Variants in IMMP2L observed in about 807,000 individuals in gnomAD.
The protein encoded by IMMP2L is inner mitochondrial membrane peptidase subunit 2.
In IMMP2L, 18 loss-of-function variants were observed where a neutral mutation model predicts 19.3. That is an observed-to-expected ratio of 0.93 (90% confidence interval 0.64 to 1.38). IMMP2L has a LOEUF of 1.38. Among genes scored for constraint, IMMP2L ranks in the 40% most tolerant of loss-of-function variants. The pLI is 0.00. For missense variants in IMMP2L, 233 were observed against 218.2 expected (o/e 1.07, Z -0.43); for synonymous variants, 76 against 73.0 (o/e 1.04, Z -0.21).
chr7:111,117,869 C>G (rs1037453181), intron 3 of IMMP2L, among the ~76,000 whole-genome samples: 4 of 152,122 alleles, frequency 2.6e-5, no homozygotes, highest in African/African-American at 9.6e-5. Context: ...TTCTTTTCCT[C>G]ACACTCTGTA....
Position 110,867,345 on chromosome 7 carries a change from G to A in IMMP2L, c.408+19248C>T, listed in dbSNP as rs149469709. Among the ~76,000 whole-genome samples the A allele has an allele frequency of 3.1e-3, 477 of 151,810 alleles. 3 individuals are homozygous for A. The highest frequency in any genetic ancestry group is 9.1e-3 in the African/African-American group (379 of 41,450). ...TCCACCCTCATGACCTCATTACCCC[G>A]CAAAGTTCTCATTTCCAAATATCAT... On this transcript the variant is annotated intron_variant, in intron 5 of 5. Transcript: ENST00000405709.
intron 3 of IMMP2L, among the ~76,000 whole-genome samples, chr7:111,014,923 T>C (rs1825352431): frequency 6.6e-6 from 1 of 152,150 alleles, no homozygotes; most frequent in Admixed American, 6.6e-5. Context: ...GTCAAAGATG[T>C]GGAGAATTGG....
chr7:110,798,310 A>G (rs540580124), intron 5 of IMMP2L, among the ~76,000 whole-genome samples: 65 of 152,138 alleles, frequency 4.3e-4, no homozygotes, highest in African/African-American at 1.1e-3. Flanking sequence ...AGGCAATCAT[A>G]CAACACATTT....
At chr7:110,679,853 G>A (rs762646719) in intron 5 of IMMP2L, among the ~76,000 whole-genome samples, 1 of 152,218 alleles carries the variant, frequency 6.6e-6, no homozygotes, top group Non-Finnish European at 1.5e-5. Context: ...GATAGTTGCT[G>A]TGACTAGCAC....
chr7:111,121,650 A>C lies in IMMP2L; in HGVS notation c.240-158085T>G, dbSNP rs36200575. Among the ~76,000 whole-genome samples the C allele has an allele frequency of 1.7e-3, 262 of 152,346 alleles. 1 individual carries two copies. The highest frequency in any genetic ancestry group is 3.0e-3 in the Non-Finnish European group (202 of 68,036). On this transcript the variant is annotated intron_variant, in intron 3 of 5. Transcript: ENST00000405709. ...GTTGGTGGGGCTGTAAACTAGTTCA[A>C]CCATTGTAGAAGACAGTGTGGCGAT...
chr7:110,866,743 G>C (rs1462546767), intron 5 of IMMP2L, among the ~76,000 whole-genome samples: 1 of 152,086 alleles, frequency 6.6e-6, no homozygotes, highest in Non-Finnish European at 1.5e-5. Context: ...ACCCAAAGGA[G>C]TAAATCCCAA....
intron 5 of IMMP2L, among the ~76,000 whole-genome samples, chr7:110,850,746 A>G (rs1362770248): frequency 1.3e-5 from 2 of 151,946 alleles, no homozygotes; most frequent in Non-Finnish European, 2.9e-5. Flanking sequence ...GTCAGGAACT[A>G]TAAAGAAAAG....
chr7:111,257,679 T>G (rs1427738785), intron 3 of IMMP2L, among the ~76,000 whole-genome samples: 1 of 152,188 alleles, frequency 6.6e-6, no homozygotes, highest in Middle Eastern at 3.2e-3. Context: ...AATTAAAAAC[T>G]CATTATAAGC....
chr7:111,391,934 A>G (rs1844066848), intron 3 of IMMP2L: 1 of 702,802 alleles, frequency 1.4e-6, no homozygotes, highest in East Asian at 2.7e-5. Context: ...GACCTCAGAT[A>G]TGCACTTCTT....
At chr7:111,303,428 C>G (rs1822482066) in intron 3 of IMMP2L, among the ~76,000 whole-genome samples, 1 of 152,076 alleles carries the variant, frequency 6.6e-6, no homozygotes, top group South Asian at 2.1e-4. Context: ...CATATACTCA[C>G]AGTTTGGAAG....
At chr7:110,739,315 G>A (rs779639740) in intron 5 of IMMP2L, among the ~76,000 whole-genome samples, 1 of 152,096 alleles carries the variant, frequency 6.6e-6, no homozygotes, top group East Asian at 1.9e-4. Flanking sequence ...CTGTCTTCAG[G>A]AGACTTACCT....
intron 5 of IMMP2L, among the ~76,000 whole-genome samples, chr7:110,677,496 T>C (rs1391578507): frequency 6.6e-6 from 1 of 152,172 alleles, no homozygotes; most frequent in Non-Finnish European, 1.5e-5. Flanking sequence ...ACGATGCTTA[T>C]CTACACAGCA....
intron 4 of IMMP2L, among the ~76,000 whole-genome samples, chr7:110,894,490 T>C (rs1312355391): frequency 6.6e-6 from 1 of 152,224 alleles, no homozygotes; most frequent in African/African-American, 2.4e-5. Context: ...GAGCATCTTT[T>C]CATGTTATCT....
rs1195132537 is a variant in IMMP2L, at chr7:111,562,318, C to A, written c.-470G>T. The A allele has an allele frequency of 2.0e-5, 3 of 152,278 alleles. No homozygotes were observed. In the East Asian group the frequency reaches 5.9e-4, roughly 30 times the overall value. 9.4% of individuals were successfully genotyped at this position (152,278 alleles called of 1,614,324 possible). A position where few individuals can be genotyped will look rare whatever the true frequency, so the allele number is the denominator to read the frequency against. ...GCACCCCTCCGCCTCCCGGCAACGC[C>A]CGCCCCGCCGGGGCCGGGGCCGACT... On this transcript the variant is annotated 5_prime_UTR_variant, in exon 1 of 6. Coordinates refer to ENST00000405709, the MANE Select transcript of IMMP2L (RefSeq NM_032549.4).
intron 5 of IMMP2L, among the ~76,000 whole-genome samples, chr7:110,836,832 G>C (rs1804531998): frequency 6.6e-6 from 1 of 152,092 alleles, no homozygotes; most frequent in Non-Finnish European, 1.5e-5. Flanking sequence ...CAATTGAATT[G>C]GAAAACAATT....
At chr7:110,672,822 G>C (rs1792015116) in intron 5 of IMMP2L, among the ~76,000 whole-genome samples, 1 of 152,216 alleles carries the variant, frequency 6.6e-6, no homozygotes, top group Non-Finnish European at 1.5e-5. Context: ...GCCTTGGGCA[G>C]CTCCGTCCCT....
chr7:111,153,472 G>A (rs988459832), intron 3 of IMMP2L, among the ~76,000 whole-genome samples: 6 of 151,964 alleles, frequency 3.9e-5, no homozygotes, highest in Admixed American at 6.6e-5. Flanking sequence ...GTTAAAGGAT[G>A]TTTTGATTTA....
At position 111,174,696 on chromosome 7, in the gene IMMP2L, T is replaced by C. The variant is rs143167816; in HGVS notation, c.240-211131A>G. Reference sequence around the variant, plus strand: ...TATTGAAAAAAGGAACAGAGTCCCATAAAGCATGTGCATGGAAACAAATAT... The same window carrying C: ...TATTGAAAAAAGGAACAGAGTCCCACAAAGCATGTGCATGGAAACAAATAT... On this transcript the variant is annotated intron_variant, in intron 3 of 5. Transcript: ENST00000405709. Among the ~76,000 whole-genome samples the C allele has an allele frequency of 5.5e-3, 828 of 151,894 alleles. 15 individuals carry two copies. The highest frequency in any genetic ancestry group is 0.019 in the African/African-American group (793 of 41,504).
chr7:110,965,791 G>GTCTAATAATAAAAGATGTTAA (rs1819479037), intron 3 of IMMP2L, among the ~76,000 whole-genome samples: 2 of 151,920 alleles, frequency 1.3e-5, no homozygotes, highest in African/African-American at 4.8e-5. Context: ...TGACAAAGAT[G>GTCTAATAATAAAAGATGTTAA]TACTACTAAT....
Sources: allele counts gnomAD v4.1 joint callset (sites outside exome capture counted in the v4.1 genomes callset), GRCh38; gene constraint gnomAD v4.1.1; transcripts MANE v1.5; gene names NCBI Gene and HGNC (gene_info 2026-07-23, HGNC 2026-07-21).